Variants in FRMD4A observed in about 807,000 individuals in gnomAD.
FRMD4A encodes the protein FERM domain containing 4A.
In FRMD4A, 29 loss-of-function variants were observed where a neutral mutation model predicts 129.1. The observed-to-expected ratio is 0.22, with a 90% confidence interval of 0.17 to 0.31. The LOEUF (loss-of-function observed/expected upper bound fraction) is 0.31, where lower values mean the gene tolerates loss of function less well. Among genes scored for constraint, FRMD4A ranks in the 10% least tolerant of loss-of-function variants. The pLI, the probability that FRMD4A is intolerant of heterozygous loss-of-function variation, is 1.00. For missense variants in FRMD4A, 1,272 were observed against 1,375.8 expected (o/e 0.92, Z 1.19); for synonymous variants, 634 against 571.6 (o/e 1.11, Z -1.56).
intron 19 of FRMD4A, among the ~76,000 whole-genome samples, chr10:13,662,695 G>A (rs1217655880): frequency 6.6e-6 from 1 of 152,138 alleles, no homozygotes; most frequent in East Asian, 1.9e-4. Context: ...CAGTTTTCCA[G>A]CCTGAGTGTG....
chr10:13,813,212 A>C (rs978902840), intron 3 of FRMD4A, among the ~76,000 whole-genome samples: 3 of 152,228 alleles, frequency 2.0e-5, no homozygotes, highest in Non-Finnish European at 4.4e-5. Flanking sequence ...TGGGAGGCCG[A>C]GGTGGGCAGA....
chr10:14,023,024 TC>T (rs1190763418), intron 2 of FRMD4A, among the ~76,000 whole-genome samples: 1 of 151,962 alleles, frequency 6.6e-6, no homozygotes, highest in Non-Finnish European at 1.5e-5. Context: ...TCAGCCACCA[TC>T]CCCACCATCC....
chr10:13,880,050 C>A (rs1036458167), intron 2 of FRMD4A, among the ~76,000 whole-genome samples: 2 of 152,036 alleles, frequency 1.3e-5, no homozygotes, highest in Non-Finnish European at 2.9e-5. Context: ...GTCTTTTGTG[C>A]TTTAAGCATC....
chr10:14,247,074 C>T (rs899404041), intron 2 of FRMD4A, among the ~76,000 whole-genome samples: 4 of 152,108 alleles, frequency 2.6e-5, no homozygotes, highest in East Asian at 1.9e-4. Flanking sequence ...AGGTGGGACT[C>T]GCAAGCTCTT....
intron 2 of FRMD4A, among the ~76,000 whole-genome samples, chr10:14,231,597 T>C (rs1211865375): frequency 6.6e-6 from 1 of 152,150 alleles, no homozygotes; most frequent in Non-Finnish European, 1.5e-5. Context: ...CCGCCCATCT[T>C]GGCCTCCCAA....
At chr10:13,884,222 A>ACTCACACACACTCTCACACACACACT (rs1564971961) in intron 2 of FRMD4A, among the ~76,000 whole-genome samples, 4 of 147,952 alleles carry the variant, frequency 2.7e-5, no homozygotes, top group Non-Finnish European at 4.5e-5. Context: ...ACACACACAC[A>ACTCACACACACTCTCACACACACACT]CACACACACA....
chr10:13,749,590 C>T (rs1047718031), intron 8 of FRMD4A, among the ~76,000 whole-genome samples: 2 of 152,102 alleles, frequency 1.3e-5, no homozygotes, highest in African/African-American at 4.8e-5. Context: ...TGGGCAAAAC[C>T]ACACCAATAC....
chr10:13,658,683 C>T (rs11258503), intron 21 of FRMD4A, among the ~76,000 whole-genome samples: 4,406 of 152,246 alleles, frequency 0.029, 162 homozygotes, highest in African/African-American at 0.087. Context: ...GAGTTCCAGA[C>T]CAGCCTGGCC....
At chr10:14,069,405 C>T (rs1401056223) in intron 2 of FRMD4A, among the ~76,000 whole-genome samples, 1 of 152,148 alleles carries the variant, frequency 6.6e-6, no homozygotes, top group Non-Finnish European at 1.5e-5. Context: ...AGCTTGTGTA[C>T]ATATGCATAT....
intron 3 of FRMD4A, among the ~76,000 whole-genome samples, chr10:13,851,114 T>C (rs1045243264): frequency 6.6e-6 from 1 of 152,106 alleles, no homozygotes; most frequent in African/African-American, 2.4e-5. Flanking sequence ...CTCTGGAGGC[T>C]GAGGTGGGAA....
At chr10:14,312,403 T>C (rs191953128) in intron 2 of FRMD4A, among the ~76,000 whole-genome samples, 3 of 152,362 alleles carry the variant, frequency 2.0e-5, no homozygotes, top group African/African-American at 7.2e-5. Flanking sequence ...AATTAAAAAC[T>C]AATTCGCATG....
chr10:13,860,668 G>A (rs371764316), intron 2 of FRMD4A, among the ~76,000 whole-genome samples: 8 of 152,272 alleles, frequency 5.3e-5, no homozygotes, highest in African/African-American at 1.7e-4. Flanking sequence ...AGCCATGAGG[G>A]TCCTTCTCAT....
intron 2 of FRMD4A, among the ~76,000 whole-genome samples, chr10:14,153,512 T>C (rs1414176168): frequency 1.3e-5 from 2 of 152,152 alleles, no homozygotes; most frequent in African/African-American, 4.8e-5. Context: ...CAATCAGAAC[T>C]GGTATAAAAT....
intron 11 of FRMD4A, among the ~76,000 whole-genome samples, chr10:13,739,611 T>C (rs143236622): frequency 8.1e-4 from 124 of 152,356 alleles, no homozygotes; most frequent in African/African-American, 2.7e-3. Context: ...GTTTTGAAGT[T>C]TTCTTGGAAG....
At chr10:14,228,620 C>A (rs1210944795) in intron 2 of FRMD4A, among the ~76,000 whole-genome samples, 1 of 152,194 alleles carries the variant, frequency 6.6e-6, no homozygotes, top group South Asian at 2.1e-4. Context: ...AAGAGGCAGA[C>A]TTTTAACCTG....
At position 13,738,549 on chromosome 10, in the gene FRMD4A, C is replaced by T. The variant is rs74820063; in HGVS notation, c.673-619G>A. ...GGGTGCCAGGCAGGGTTTTAGGACT[C>T]ATGCTGTTGGACAGGGTAGCACAGT... On this transcript the variant is annotated intron_variant, in intron 11 of 24. Transcript: ENST00000357447. Among the ~76,000 whole-genome samples the T allele has an allele frequency of 0.01, 1,527 of 152,308 alleles. 54 individuals are homozygous for T. The South Asian group carries it at 0.12, about 12-fold the overall frequency.
chr10:13,740,409 C>A (rs374172747), intron 10 of FRMD4A, 103 bp downstream of exon 10: 253 of 880,598 alleles, frequency 2.9e-4, no homozygotes, highest in Non-Finnish European at 4.4e-4. Context: ...ATACACCCCC[C>A]ACTCCCAGAT....
In FRMD4A at chr10:14,330,605, A is replaced by G. The variant is rs1002530258; in HGVS notation, c.-90T>C. 28 of 400,168 alleles carry G rather than the reference A, an allele frequency of 7.0e-5. No homozygotes were observed. The highest frequency in any genetic ancestry group is 1.1e-4 in the Non-Finnish European group (25 of 227,480). The allele number at this position is 400,168 out of a possible 1,614,324, so 24.8% of individuals were successfully genotyped here. A position where few individuals can be genotyped will look rare whatever the true frequency, so the allele number is the denominator to read the frequency against. On this transcript the variant is annotated 5_prime_UTR_variant, in exon 1 of 25. Transcript: ENST00000357447. ...TGAATGTCACAACATACCGCTCGCA[A>G]TCTGGTCAGTGTCTTCTTTGCTGCA...
intron 2 of FRMD4A, among the ~76,000 whole-genome samples, chr10:14,123,353 C>G (rs1038088308): frequency 6.6e-6 from 1 of 152,188 alleles, no homozygotes; most frequent in Non-Finnish European, 1.5e-5. Context: ...TCCTTCATGC[C>G]AGCATCTTTG....
Sources: gnomAD v4.1 joint callset for allele counts (sites outside exome capture counted in the v4.1 genomes callset) on GRCh38, gnomAD v4.1.1 for gene constraint, MANE v1.5 for transcripts, NCBI Gene and HGNC (gene_info 2026-07-23, HGNC 2026-07-21) for gene names.